The following RUNX1 variants were observed in gnomAD, a reference collection of about 807,000 sequenced individuals.
RUNX1 encodes RUNX family transcription factor 1, also known as runt-related transcription factor 1.
A neutral mutation model predicts 42.8 loss-of-function variants in RUNX1; 19 were observed. The observed-to-expected ratio is 0.44, with a 90% CI of 0.31 to 0.65. The LOEUF (loss-of-function observed/expected upper bound fraction) is 0.65. RUNX1 is among the 30% of genes least tolerant of loss of function. RUNX1 has a pLI of 0.07. For synonymous variants in RUNX1, 271 were observed against 289.4 expected, an observed-to-expected ratio of 0.94 and a Z score of 0.64; for missense variants, 528 against 672.0, an observed-to-expected ratio of 0.79 and a Z score of 2.37.
At chr21:34,824,541 C>T (rs1191545431) in intron 7 of RUNX1, among the ~76,000 whole-genome samples, 2 of 152,118 alleles carry the variant, frequency 1.3e-5, no homozygotes, top group Non-Finnish European at 2.9e-5. Context: ...TATCTTTAAT[C>T]TCCATAACAA....
intron 2 of RUNX1, among the ~76,000 whole-genome samples, chr21:35,039,816 G>A (rs1273160381): frequency 6.6e-6 from 1 of 152,178 alleles, no homozygotes; most frequent in Non-Finnish European, 1.5e-5. Flanking sequence ...GTTTAAGGTT[G>A]CTTAACGTTG....
intron 2 of RUNX1, among the ~76,000 whole-genome samples, chr21:34,897,648 T>A (rs761008434): frequency 2.0e-5 from 3 of 152,202 alleles, no homozygotes; most frequent in Non-Finnish European, 4.4e-5. Context: ...GCTTCAGGTT[T>A]CCATGTGGAA....
At chr21:34,949,233 T>C (rs2058588739) in intron 2 of RUNX1, among the ~76,000 whole-genome samples, 1 of 152,216 alleles carries the variant, frequency 6.6e-6, no homozygotes. Context: ...AAAGTCCTTT[T>C]CACTAAACAA....
chr21:34,823,645 T>C (rs1389405260), intron 7 of RUNX1, among the ~76,000 whole-genome samples: 1 of 152,064 alleles, frequency 6.6e-6, no homozygotes, highest in Non-Finnish European at 1.5e-5. Context: ...GGTTTTGCCA[T>C]GTTGGCAGGC....
intron 7 of RUNX1, among the ~76,000 whole-genome samples, chr21:34,804,211 C>T (rs1037920957): frequency 8.5e-5 from 13 of 152,182 alleles, no homozygotes; most frequent in South Asian, 4.2e-4. Flanking sequence ...GACTAGTGTG[C>T]GAATAAGACA....
At chr21:34,890,912 C>T (rs1251985423) in intron 3 of RUNX1, among the ~76,000 whole-genome samples, 1 of 152,110 alleles carries the variant, frequency 6.6e-6, no homozygotes, top group Non-Finnish European at 1.5e-5. Flanking sequence ...CCCCGAGATC[C>T]CACCCAGGGC....
rs578080277 is a variant in RUNX1, at chr21:35,048,968, G to A, written c.-59-10C>T. ...CAATGATTTCTTTTACCTTCGGAGC[G>A]AAAACCAAGACAGGTCACTGTTTCA... is the stretch of plus-strand genomic sequence containing the variant. On this transcript the variant is annotated splice_polypyrimidine_tract_variant and intron_variant, in intron 1 of 8. Transcript: ENST00000675419. The A allele has an allele frequency of 3.3e-4, 456 of 1,368,422 alleles. 1 individual carries two copies. In the Middle Eastern group the frequency reaches 4.5e-3, roughly 14 times the overall value. The allele number at this position is 1,368,422 out of a possible 1,614,324, so 84.8% of individuals were successfully genotyped here. A position where few individuals can be genotyped will look rare whatever the true frequency, so the allele number is the denominator to read the frequency against.
At chr21:34,823,048 T>C (rs1015088255) in intron 7 of RUNX1, among the ~76,000 whole-genome samples, 5 of 152,220 alleles carry the variant, frequency 3.3e-5, no homozygotes, top group Admixed American at 6.5e-5. Flanking sequence ...GGCTTTAGAA[T>C]GACTCAGGTT....
At chr21:35,030,117 G>C (rs2059262827) in intron 2 of RUNX1, among the ~76,000 whole-genome samples, 1 of 152,178 alleles carries the variant, frequency 6.6e-6, no homozygotes, top group Non-Finnish European at 1.5e-5. Flanking sequence ...GCCAAGGCGG[G>C]TGGATCACGA....
chr21:34,808,261 G>C (rs2056709331), intron 7 of RUNX1, among the ~76,000 whole-genome samples: 1 of 152,220 alleles, frequency 6.6e-6, no homozygotes, highest in South Asian at 2.1e-4. Context: ...AAGAGAAGCA[G>C]ACAGACCAAG....
chr21:34,857,795 G>A (rs2057516087), intron 6 of RUNX1, among the ~76,000 whole-genome samples: 2 of 152,176 alleles, frequency 1.3e-5, no homozygotes, highest in South Asian at 2.1e-4. Context: ...TTACATTAAC[G>A]TAGGAATGTC....
chr21:34,937,663 T>C (rs908484232), intron 2 of RUNX1, among the ~76,000 whole-genome samples: 2 of 151,802 alleles, frequency 1.3e-5, no homozygotes, highest in African/African-American at 4.8e-5. Context: ...GGCTCATCTT[T>C]TATACCTGCT....
chr21:35,040,806 AACTC>A (rs927363632), intron 2 of RUNX1, among the ~76,000 whole-genome samples: 2 of 151,350 alleles, frequency 1.3e-5, no homozygotes, highest in African/African-American at 4.9e-5. Context: ...CAACAACAAA[AACTC>A]ACCCACAATG....
intron 2 of RUNX1, among the ~76,000 whole-genome samples, chr21:34,944,478 T>C (rs2058550280): frequency 6.6e-6 from 1 of 152,250 alleles, no homozygotes; most frequent in African/African-American, 2.4e-5. Context: ...GATTGGTTAA[T>C]ATTTGTGTGG....
intron 5 of RUNX1, among the ~76,000 whole-genome samples, chr21:34,868,855 A>C (rs2057699192): frequency 6.6e-6 from 1 of 152,230 alleles, no homozygotes; most frequent in Non-Finnish European, 1.5e-5. Flanking sequence ...TATCTGATAA[A>C]TGAATGAATG....
At chr21:34,939,748 T>C (rs1343226170) in intron 2 of RUNX1, among the ~76,000 whole-genome samples, 1 of 152,234 alleles carries the variant, frequency 6.6e-6, no homozygotes, top group Admixed American at 6.5e-5. Context: ...TTAGGGAAGA[T>C]GTGTTAGGGA....
intron 3 of RUNX1, chr21:34,889,779 G>A (rs1305298952): frequency 1.7e-6 from 2 of 1,146,522 alleles, no homozygotes; most frequent in Non-Finnish European, 2.2e-6. Context: ...TCCGGCGTGC[G>A]CTGCCAACTC....
chr21:34,979,201 G>C (rs144353115), intron 2 of RUNX1, among the ~76,000 whole-genome samples: 1 of 152,186 alleles, frequency 6.6e-6, no homozygotes, highest in South Asian at 2.1e-4. Flanking sequence ...CACAGCCCCC[G>C]GAATAAGAGA....
chr21:34,958,595 G>A (rs940040193), intron 2 of RUNX1, among the ~76,000 whole-genome samples: 3 of 152,206 alleles, frequency 2.0e-5, no homozygotes, highest in African/African-American at 7.2e-5. Context: ...CTTTTACACT[G>A]TTGGTGGGAC....
Sources: gnomAD v4.1 joint callset for allele counts (sites outside exome capture counted in the v4.1 genomes callset) on GRCh38, gnomAD v4.1.1 for gene constraint, MANE v1.5 for transcripts, NCBI Gene and HGNC (gene_info 2026-07-23, HGNC 2026-07-21) for gene names.